GRIA1: variants seen among roughly 807,000 people sequenced by gnomAD.
GRIA1 encodes glutamate receptor 1.
A neutral mutation model predicts 99.2 loss-of-function variants in GRIA1; 31 were observed. The observed-to-expected ratio is 0.31, with a 90% CI of 0.23 to 0.42. The LOEUF (loss-of-function observed/expected upper bound fraction) is 0.42. Among genes scored for constraint, GRIA1 ranks in the 10% least tolerant of loss-of-function variants. The pLI, the probability that GRIA1 is intolerant of heterozygous loss-of-function variation, is 1.00. For synonymous variants in GRIA1, 438 were observed against 432.4 expected (o/e 1.01, Z -0.16); for missense variants, 782 against 1,157.5 (o/e 0.68, Z 4.71).
intron 2 of GRIA1, among the ~76,000 whole-genome samples, chr5:153,610,447 G>A (rs1205470542): frequency 6.6e-6 from 1 of 152,182 alleles, no homozygotes; most frequent in African/African-American, 2.4e-5. Context: ...AGATTCCCTG[G>A]GGAAGACAAA....
At chr5:153,612,035 G>A (rs762026295) in intron 2 of GRIA1, among the ~76,000 whole-genome samples, 90 of 152,316 alleles carry the variant, frequency 5.9e-4, no homozygotes, top group Non-Finnish European at 1.1e-3. Flanking sequence ...TGCAAACTAG[G>A]GAGAATGCTT....
chr5:153,704,555 T>G (rs970635553), intron 10 of GRIA1, among the ~76,000 whole-genome samples: 1 of 152,248 alleles, frequency 6.6e-6, no homozygotes, highest in Non-Finnish European at 1.5e-5. Flanking sequence ...GCATGCTGGA[T>G]TTGAAATTTA....
At chr5:153,496,478 A>G (rs1754439030) in intron 2 of GRIA1, among the ~76,000 whole-genome samples, 1 of 152,212 alleles carries the variant, frequency 6.6e-6, no homozygotes, top group African/African-American at 2.4e-5. Context: ...TATGGGGATT[A>G]TCTGAGAAGC....
intron 11 of GRIA1, among the ~76,000 whole-genome samples, chr5:153,759,069 C>T (rs2149600542): frequency 6.6e-6 from 1 of 150,658 alleles, no homozygotes; most frequent in East Asian, 1.9e-4. Flanking sequence ...CATATGAAAA[C>T]CTATGAGATA....
At chr5:153,503,952 T>C (rs139841094) in intron 2 of GRIA1, among the ~76,000 whole-genome samples, 5 of 152,286 alleles carry the variant, frequency 3.3e-5, no homozygotes, top group African/African-American at 1.2e-4. Context: ...CAGGCATAGA[T>C]ATGTCATATA....
At chr5:153,697,820 C>T (rs139404888) in intron 8 of GRIA1, among the ~76,000 whole-genome samples, 1 of 152,304 alleles carries the variant, frequency 6.6e-6, no homozygotes, top group East Asian at 1.9e-4. Flanking sequence ...AATTTCCAAA[C>T]TGAACCAATT....
intron 11 of GRIA1, among the ~76,000 whole-genome samples, chr5:153,734,950 T>C (rs941168134): frequency 1.3e-5 from 2 of 152,108 alleles, no homozygotes; most frequent in East Asian, 3.9e-4. Flanking sequence ...TCTAACTTAG[T>C]GGTTCTCAAC....
intron 11 of GRIA1, among the ~76,000 whole-genome samples, chr5:153,709,712 T>C (rs949675646): frequency 6.6e-6 from 1 of 152,178 alleles, no homozygotes; most frequent in African/African-American, 2.4e-5. Context: ...GGAAAAAAAG[T>C]GTTGCCTTCT....
intron 2 of GRIA1, among the ~76,000 whole-genome samples, chr5:153,514,564 C>G (rs1756426661): frequency 6.6e-6 from 1 of 152,150 alleles, no homozygotes; most frequent in South Asian, 2.1e-4. Flanking sequence ...TGCTTTTATG[C>G]TAGTACCATG....
intron 2 of GRIA1, among the ~76,000 whole-genome samples, chr5:153,550,229 AT>A (rs2069080041): frequency 1.3e-5 from 2 of 151,912 alleles, no homozygotes; most frequent in Non-Finnish European, 2.9e-5. Flanking sequence ...AGATATGTTC[AT>A]TTCCCACCAG....
At chr5:153,718,525 GAACCAGTAGGTT>G (rs1031136396) in intron 11 of GRIA1, among the ~76,000 whole-genome samples, 1 of 152,154 alleles carries the variant, frequency 6.6e-6, no homozygotes, top group African/African-American at 2.4e-5. Context: ...TTTCAGACTT[GAACCAGTAGGTT>G]AACCATTGAG....
In GRIA1 at chr5:153,643,147, G is replaced by A. The variant is rs140675084; in HGVS notation, c.221-3781G>A. Among the ~76,000 whole-genome samples the A allele has an allele frequency of 5.3e-5, 8 of 152,246 alleles. No homozygotes were observed. The East Asian group carries it at 1.5e-3, about 29-fold the overall frequency. On this transcript the variant is annotated intron_variant, in intron 2 of 15. Transcript: ENST00000285900. ...TTACTGGATTTGAAAAAGTGCACTG[G>A]GGGTTGCTAGAATTTGACTAAATAA...
At chr5:153,505,590 C>T (rs1303264596) in intron 2 of GRIA1, among the ~76,000 whole-genome samples, 2 of 152,198 alleles carry the variant, frequency 1.3e-5, no homozygotes, top group African/African-American at 4.8e-5. Context: ...AATCTGTGAG[C>T]ATTGTAGGAA....
intron 2 of GRIA1, among the ~76,000 whole-genome samples, chr5:153,645,480 A>G (rs1754079829): frequency 6.6e-6 from 1 of 152,188 alleles, no homozygotes; most frequent in Non-Finnish European, 1.5e-5. Flanking sequence ...AAAAGTATTC[A>G]CCAAAAAAAG....
intron 2 of GRIA1, among the ~76,000 whole-genome samples, chr5:153,565,695 T>C (rs1761552004): frequency 6.6e-6 from 1 of 152,212 alleles, no homozygotes; most frequent in Admixed American, 6.5e-5. Context: ...TATGAAATCA[T>C]ACTATTTGTG....
intron 2 of GRIA1, among the ~76,000 whole-genome samples, chr5:153,578,138 G>A (rs1354466329): frequency 1.1e-5 from 1 of 93,950 alleles, no homozygotes; most frequent in Non-Finnish European, 1.9e-5. Context: ...GCAGCAGAGA[G>A]AGACTCTGTC....
chr5:153,759,401 T>A (rs956607140), intron 11 of GRIA1, among the ~76,000 whole-genome samples: 67 of 151,774 alleles, frequency 4.4e-4, no homozygotes, highest in Non-Finnish European at 9.1e-4. Context: ...CACAGAAATA[T>A]AAAGGATCAT....
intron 8 of GRIA1, among the ~76,000 whole-genome samples, chr5:153,695,404 T>TA (rs1465125020): frequency 1.3e-5 from 2 of 152,178 alleles, no homozygotes; most frequent in Non-Finnish European, 2.9e-5. Flanking sequence ...GTGAAATAGA[T>TA]AAAAAGCAGA....
intron 2 of GRIA1, among the ~76,000 whole-genome samples, chr5:153,514,655 G>A (rs1204608432): frequency 1.3e-5 from 2 of 152,078 alleles, no homozygotes; most frequent in Admixed American, 6.6e-5. Flanking sequence ...GCTTAAAATT[G>A]CTTTGGCTGT....
Sources: allele counts gnomAD v4.1 joint callset (sites outside exome capture counted in the v4.1 genomes callset), GRCh38; gene constraint gnomAD v4.1.1; transcripts MANE v1.5; gene names NCBI Gene and HGNC (gene_info 2026-07-23, HGNC 2026-07-21).